OTOGL: variants seen among roughly 807,000 people sequenced by gnomAD.
OTOGL encodes otogelin like, also known as otogelin-like protein.
OTOGL carries 285 observed loss-of-function variants against 318.5 expected under a neutral mutation model. That is an observed-to-expected ratio of 0.89 (90% CI 0.81 to 0.99). The LOEUF (loss-of-function observed/expected upper bound fraction) is 0.99. Among genes scored for constraint, OTOGL ranks in the 50% least tolerant of loss-of-function variants. The pLI is 0.00. For synonymous variants in OTOGL, 987 were observed against 936.5 expected, an observed-to-expected ratio of 1.05 and a Z score of -0.99; for missense variants, 2,899 against 2,845.6, an observed-to-expected ratio of 1.02 and a Z score of -0.43.
In OTOGL at chr12:80,274,991, G is replaced by T. The variant is rs144348615; in HGVS notation, c.2682-3177G>T. Among the ~76,000 whole-genome samples the T allele has an allele frequency of 3.9e-5, 6 of 152,078 alleles. No homozygotes were observed. In the East Asian group the frequency reaches 1.2e-3, roughly 29 times the overall value. On this transcript the variant is annotated intron_variant, in intron 24 of 58. Coordinates refer to ENST00000547103, the MANE Select transcript of OTOGL (RefSeq NM_001378609.3). ...TTGGCAGTGCACCTGGCACCTAGGA[G>T]TTCCAGTGGAGATGCAGAAGGATAT...
At chr12:80,315,527 CAAGTAAG>C (rs1886914275) in intron 32 of OTOGL, among the ~76,000 whole-genome samples, 1 of 152,110 alleles carries the variant, frequency 6.6e-6, no homozygotes, top group South Asian at 2.1e-4. Flanking sequence ...CTAATTCAGA[CAAGTAAG>C]GTGATCTAGG....
Position 80,265,155 on chromosome 12 carries a change from C to T in OTOGL, c.2169C>T (p.Tyr723=). 6.2e-7 allele frequency: 1 copy of T among 1,613,876 alleles called. No individual in the cohort carries two copies. Among genetic ancestry groups the T allele is most frequent in the East Asian group, 2.2e-5 (1 of 44,878 alleles). Reference sequence around the variant, plus strand: ...GCAATGCTCTTGCCCACTATGCCTACCTCTGCGGCCAGCACGGTGTTCCCA... The same window carrying T: ...GCAATGCTCTTGCCCACTATGCCTATCTCTGCGGCCAGCACGGTGTTCCCA... ...CLCNALAHYA[Y]LCGQHGVPID... Residue 723 remains tyrosine, a synonymous_variant, in exon 20 of 59, where the codon TAC becomes TAT. Coordinates refer to ENST00000547103, the MANE Select transcript of OTOGL (RefSeq NM_001378609.3).
chr12:80,253,617 T>A, intron 14 of OTOGL, 43 bp downstream of exon 14: 2 of 1,475,040 alleles, frequency 1.4e-6, no homozygotes, highest in Non-Finnish European at 1.9e-6. Context: ...GGTACTTGGC[T>A]AGTTGACAAC....
chr12:80,108,880 G>GTGTATATATATGTGTATATATA (rs1565863251), intron 1 of OTOGL, among the ~76,000 whole-genome samples: 11 of 133,410 alleles, frequency 8.2e-5, no homozygotes, highest in Non-Finnish European at 1.7e-4. Context: ...GTGTATATAT[G>GTGTATATATATGTGTATATATA]TGTATATATA....
At chr12:80,268,194 A>G (rs1245930866) in intron 22 of OTOGL, among the ~76,000 whole-genome samples, 1 of 152,194 alleles carries the variant, frequency 6.6e-6, no homozygotes, top group Non-Finnish European at 1.5e-5. Context: ...AGGTACCAAC[A>G]GATAATAATA....
At chr12:80,124,411 A>G (rs1288575291) in intron 1 of OTOGL, among the ~76,000 whole-genome samples, 1 of 152,156 alleles carries the variant, frequency 6.6e-6, no homozygotes, top group Non-Finnish European at 1.5e-5. Context: ...CTGTTTTGGT[A>G]CCAGTACCAT....
At chr12:80,290,647 A>C (rs1371542161) in intron 26 of OTOGL, among the ~76,000 whole-genome samples, 1 of 152,178 alleles carries the variant, frequency 6.6e-6, no homozygotes, top group Non-Finnish European at 1.5e-5. Context: ...AGATTCTGTG[A>C]AGCTTTATTT....
intron 42 of OTOGL, among the ~76,000 whole-genome samples, chr12:80,337,326 T>C (rs1888479078): frequency 6.6e-6 from 1 of 151,630 alleles, no homozygotes; most frequent in South Asian, 2.1e-4. Context: ...AGAGTGGAAA[T>C]GCTATGAAGG....
chr12:80,302,227 C>T (rs1002016479), intron 27 of OTOGL, among the ~76,000 whole-genome samples: 4 of 152,276 alleles, frequency 2.6e-5, no homozygotes, highest in Non-Finnish European at 4.4e-5. Flanking sequence ...CAGAAACATG[C>T]GCAGGAACAA....
rs1179607371 is a variant in OTOGL, at chr12:80,233,100, A to G, written c.817+3A>G. The stretch of plus-strand genomic sequence containing the variant: ...TGATGATTTCATAATTCTGCAAGGT[A>G]AGTGAAGCAGAATAAATGTGTGGGT... On this transcript the variant is annotated splice_donor_region_variant and intron_variant, in intron 9 of 58. Coordinates refer to ENST00000547103, the MANE Select transcript of OTOGL (RefSeq NM_001378609.3). 3.8e-6 allele frequency: 6 copies of G among 1,583,648 alleles called. No homozygotes were observed. The South Asian group carries it at 5.5e-5, about 15-fold the overall frequency.
intron 34 of OTOGL, among the ~76,000 whole-genome samples, chr12:80,322,805 C>A (rs1223274531): frequency 6.6e-6 from 1 of 152,246 alleles, no homozygotes; most frequent in Middle Eastern, 3.4e-3. Flanking sequence ...TCAAACAATA[C>A]TTATCTGGTA....
At position 80,358,709 on chromosome 12, in the gene OTOGL, T is replaced by C; in HGVS notation, c.6160T>C (p.Cys2054Arg). 6.2e-7 allele frequency: 1 copy of C among 1,613,258 alleles called. No homozygotes were observed. Among genetic ancestry groups the C allele is most frequent in the Non-Finnish European group, 8.5e-7 (1 of 1,179,456 alleles). Residue 2054 changes from cysteine to arginine, a missense_variant, in exon 51 of 59, where the codon TGT (cysteine) becomes CGT (arginine). This residue lies in a region of OTOGL where 2,607 missense variants were observed against 2,524.9 expected (regional missense o/e 1.03). Transcript: ENST00000547103. The part of the protein sequence containing the change: ...PNLCPMPLLN[C>R]AEDMNLVKEN... ...CCTTTGTCCTATGCCATTACTCAAC[T>C]GTGCAGAAGATATGAATCTTGTGAA...
intron 47 of OTOGL, 140 bp from the exon 48 acceptor site, chr12:80,356,276 C>T: frequency 1.5e-6 from 1 of 657,792 alleles, no homozygotes; most frequent in African/African-American, 1.8e-5. Flanking sequence ...AGTGGGTTAA[C>T]TGCAGTGTAA....
At chr12:80,124,141 G>T (rs1260722790) in intron 1 of OTOGL, among the ~76,000 whole-genome samples, 1 of 152,142 alleles carries the variant, frequency 6.6e-6, no homozygotes, top group Non-Finnish European at 1.5e-5. Flanking sequence ...GTGTTGCCTA[G>T]GTTTTCTTCT....
intron 25 of OTOGL, 126 bp downstream of exon 25, chr12:80,278,401 G>T: frequency 1.4e-6 from 1 of 731,994 alleles, no homozygotes; most frequent in Non-Finnish European, 2.2e-6. Context: ...ATAATTTAAA[G>T]GCCTGCAGGA....
At chr12:80,339,298 G>GTTTTTTTTTTTTCTTTTTT in intron 43 of OTOGL, 34 bp downstream of exon 43, 1 of 535,102 alleles carries the variant, frequency 1.9e-6, no homozygotes, top group Non-Finnish European at 2.6e-6. Flanking sequence ...GATTTCGTCT[G>GTTTTTTTTTTTTCTTTTTT]TTTTTTTTTT....
At chr12:80,114,718 T>G (rs1307257091) in intron 1 of OTOGL, among the ~76,000 whole-genome samples, 1 of 152,172 alleles carries the variant, frequency 6.6e-6, no homozygotes, top group East Asian at 1.9e-4. Flanking sequence ...TTTTTCAACT[T>G]GGTTCCATTC....
chr12:80,243,670 T>G (rs1441007603), intron 11 of OTOGL, among the ~76,000 whole-genome samples: 2 of 151,282 alleles, frequency 1.3e-5, no homozygotes, highest in Non-Finnish European at 2.9e-5. Flanking sequence ...AATCATAAAC[T>G]GGAAAGGATA....
intron 1 of OTOGL, among the ~76,000 whole-genome samples, chr12:80,135,300 T>C (rs1488028595): frequency 9.2e-6 from 1 of 108,352 alleles, no homozygotes; most frequent in Non-Finnish European, 1.8e-5. Context: ...CTTGATGGAG[T>C]CTTGCTCTAT....
Sources: gnomAD v4.1 joint callset for allele counts (sites outside exome capture counted in the v4.1 genomes callset) on GRCh38, gnomAD v4.1.1 for gene constraint, gnomAD v4.1.1 regional missense constraint, MANE v1.5 for transcripts, NCBI Gene and HGNC (gene_info 2026-07-23, HGNC 2026-07-21) for gene names.